Variants in TP53BP1 observed in about 807,000 individuals in gnomAD.
TP53BP1 encodes tumor protein p53 binding protein 1, also known as TP53-binding protein 1.
Under a neutral mutation model 200.8 loss-of-function variants are expected in TP53BP1, and 61 were observed. That is an observed-to-expected ratio of 0.30 (90% CI 0.25 to 0.38). The LOEUF (loss-of-function observed/expected upper bound fraction) is 0.38. Ranked by LOEUF, TP53BP1 falls within the 10% of genes least tolerant of loss-of-function variation. TP53BP1 has a pLI of 1.00. For synonymous variants in TP53BP1, 822 were observed against 844.3 expected (o/e 0.97, Z 0.46); for missense variants, 2,144 against 2,371.9 (o/e 0.90, Z 2.00).
intron 18 of TP53BP1, among the ~76,000 whole-genome samples, chr15:43,425,999 A>G (rs1426593700): frequency 6.6e-6 from 1 of 150,638 alleles, no homozygotes; most frequent in Non-Finnish European, 1.5e-5. Context: ...CAGGAGGCGG[A>G]GCTTGCAGTG....
intron 14 of TP53BP1, among the ~76,000 whole-genome samples, chr15:43,443,536 AC>A (rs368294049): frequency 8.5e-5 from 13 of 152,192 alleles, no homozygotes; most frequent in African/African-American, 2.6e-4. Flanking sequence ...TATAATAAAT[AC>A]AAAAATTAAC....
rs1280752177 is a variant in TP53BP1 at position 43,413,274 on chromosome 15, G to T, written c.5150C>A (p.Pro1717His). 1 of 1,614,024 alleles carries T rather than the reference G, an allele frequency of 6.2e-7. No individual in the cohort carries two copies. The highest frequency in any genetic ancestry group is 1.3e-5 in the African/African-American group (1 of 74,900). ...PCESGDNTGE[P>H]SALEEQRGPL... is the part of the protein sequence containing the mutation. ...CCCTCTCTGCTCTTCCAGGGCAGAG[G>T]GTTCACCGGTGTTGTCTCCACTCTC... Residue 1717 changes from proline (P) to histidine (H), a missense_variant, in exon 24 of 28, where the codon CCC becomes CAC. Physicochemically the swap from Pro to His is moderately conservative, Grantham distance 77. Coordinates refer to ENST00000382044, the MANE Select transcript of TP53BP1 (RefSeq NM_001141980.3).
At chr15:43,407,673 CCAAAG>C (rs1171596271) in intron 27 of TP53BP1, 103 bp from the exon 28 acceptor site, 1 of 1,151,876 alleles carries the variant, frequency 8.7e-7, no homozygotes, top group African/African-American at 1.6e-5. Context: ...TCTGCACAAA[CCAAAG>C]CCCTATTATG....
intron 14 of TP53BP1, among the ~76,000 whole-genome samples, chr15:43,442,489 T>C (rs1234609002): frequency 6.6e-6 from 1 of 151,692 alleles, no homozygotes; most frequent in Non-Finnish European, 1.5e-5. Flanking sequence ...AGAAATACAA[T>C]ACAATGAGTA....
rs749855159 is a variant in TP53BP1 at position 43,446,518 on chromosome 15, T to C, written c.2909A>G (p.Asp970Gly). ...VMSESMVETH[D>G]PILGSGKGDS... is the part of the protein sequence containing the mutation. ...CCCTTTTCCACTCCCAAGTATGGGA[T>C]CATGGGTCTCCACCATGCTTTCAGA... The change falls in exon 14 of 28, where the codon GAT (aspartate) becomes GGT (glycine). Residue 970 changes from aspartate (D) to glycine (G), a missense_variant. By Grantham distance (94) the Asp-to-Gly change is moderately conservative. Coordinates refer to ENST00000382044, the MANE Select transcript of TP53BP1 (RefSeq NM_001141980.3). 2.6e-5 allele frequency: 42 copies of C among 1,614,030 alleles called. No homozygotes were observed. Among genetic ancestry groups the C allele is most frequent in the Non-Finnish European group, 3.6e-5 (42 of 1,180,028 alleles).
intron 19 of TP53BP1, chr15:43,421,650 C>T: frequency 1.5e-6 from 1 of 689,100 alleles, no homozygotes; most frequent in Non-Finnish European, 2.4e-6. Context: ...GGCTGCTTTG[C>T]CAATGAAGTC....
intron 12 of TP53BP1, among the ~76,000 whole-genome samples, chr15:43,451,447 T>C (rs984450436): frequency 2.0e-5 from 3 of 152,186 alleles, no homozygotes; most frequent in South Asian, 2.1e-4. Context: ...TGGTTTTTTG[T>C]CCTTGCGATA....
At chr15:43,502,953 G>T (rs910768447) in intron 1 of TP53BP1, among the ~76,000 whole-genome samples, 1 of 151,756 alleles carries the variant, frequency 6.6e-6, no homozygotes, top group Non-Finnish European at 1.5e-5. Flanking sequence ...GGGTTTTGCC[G>T]TGTTGGCCAG....
chr15:43,482,653 A>G (rs1488663755), intron 4 of TP53BP1, among the ~76,000 whole-genome samples: 1 of 152,196 alleles, frequency 6.6e-6, no homozygotes, highest in Non-Finnish European at 1.5e-5. Context: ...CTGTAGTCCC[A>G]GCTACTGGGG....
At chr15:43,477,507 C>T in intron 8 of TP53BP1, 86 bp downstream of exon 8, 3 of 1,320,836 alleles carry the variant, frequency 2.3e-6, no homozygotes, top group African/African-American at 1.5e-5. Context: ...CTATAAAATG[C>T]TTTGTAACTT....
intron 10 of TP53BP1, among the ~76,000 whole-genome samples, chr15:43,472,833 G>A (rs1341087031): frequency 6.6e-6 from 1 of 152,192 alleles, no homozygotes; most frequent in African/African-American, 2.4e-5. Flanking sequence ...TGCTAGAAAA[G>A]CAAAGAATGG....
chr15:43,415,941 C>A (rs911124531), intron 22 of TP53BP1, 132 bp from the exon 23 acceptor site: 5 of 777,124 alleles, frequency 6.4e-6, no homozygotes, highest in African/African-American at 1.7e-5. Flanking sequence ...CAAGAAGCTT[C>A]TTTTTAAGGC....
At chr15:43,455,805 T>C (rs1328672442) in intron 12 of TP53BP1, 87 bp downstream of exon 12, 1 of 1,474,394 alleles carries the variant, frequency 6.8e-7, no homozygotes, top group East Asian at 2.3e-5. Context: ...TAGTGTTCAC[T>C]CCTGACATAA....
chr15:43,487,030 A>G (rs2079056250), intron 4 of TP53BP1, among the ~76,000 whole-genome samples: 2 of 152,196 alleles, frequency 1.3e-5, no homozygotes, highest in South Asian at 2.1e-4. Context: ...ATGAAGAGAA[A>G]GAAAGGATAG....
intron 16 of TP53BP1, among the ~76,000 whole-genome samples, chr15:43,435,171 G>C (rs1335550208): frequency 7.0e-6 from 1 of 143,010 alleles, no homozygotes; most frequent in African/African-American, 2.7e-5. Flanking sequence ...GCTGAGGCAG[G>C]AGAATCCCTC....
intron 23 of TP53BP1, chr15:43,414,133 A>G (rs763053024): frequency 1.7e-4 from 79 of 470,506 alleles, no homozygotes; most frequent in Admixed American, 2.6e-4. Flanking sequence ...TAAAACCAGG[A>G]GCAAGAAAAC....
chr15:43,434,064 T>C (rs2045734002), intron 16 of TP53BP1, among the ~76,000 whole-genome samples: 1 of 152,256 alleles, frequency 6.6e-6, no homozygotes, highest in Non-Finnish European at 1.5e-5. Flanking sequence ...AATAGAGTTC[T>C]AGCCAAGAAG....
chr15:43,441,857 C>G lies in TP53BP1; in HGVS notation c.3041-274G>C, dbSNP rs2045931660. Among the ~76,000 whole-genome samples the G allele has an allele frequency of 2.6e-5, 4 of 152,078 alleles. No individual in the cohort carries two copies. The South Asian group carries it at 8.3e-4, about 31-fold the overall frequency. On this transcript the variant is annotated intron_variant, in intron 14 of 27. Transcript: ENST00000382044. Reference sequence around the variant, plus strand: ...CCTCCGCCTCCTGGGTTCAAGCGATCTCCTGCCTCAACCTCCCGAGTAGCT... The same window carrying G: ...CCTCCGCCTCCTGGGTTCAAGCGATGTCCTGCCTCAACCTCCCGAGTAGCT...
intron 12 of TP53BP1, among the ~76,000 whole-genome samples, chr15:43,451,690 G>T (rs992061382): frequency 7.2e-5 from 11 of 152,128 alleles, no homozygotes; most frequent in Non-Finnish European, 1.5e-4. Flanking sequence ...AGTCCTTTGG[G>T]TATATACCCA....
Sources: gnomAD v4.1 joint callset for allele counts (sites outside exome capture counted in the v4.1 genomes callset) on GRCh38, gnomAD v4.1.1 for gene constraint, MANE v1.5 for transcripts, NCBI Gene and HGNC (gene_info 2026-07-23, HGNC 2026-07-21) for gene names.